MMAA: variants seen among roughly 807,000 people sequenced by gnomAD.
The protein encoded by MMAA is metabolism of cobalamin associated A.
A neutral mutation model predicts 45.0 loss-of-function variants in MMAA; 41 were observed. That is an observed-to-expected ratio of 0.91 (90% CI 0.71 to 1.18). MMAA has a LOEUF of 1.18. Among genes scored for constraint, MMAA ranks in the 50% most tolerant of loss-of-function variants. The probability of loss-of-function intolerance (pLI) is 0.00; values close to 1 mark genes in which losing one functional copy is unlikely to be tolerated. For missense variants in MMAA, 460 were observed against 495.7 expected, an observed-to-expected ratio of 0.93 and a Z score of 0.68; for synonymous variants, 154 against 178.2, an observed-to-expected ratio of 0.86 and a Z score of 1.08.
At chr4:145,642,860 G>T (rs747153683) in intron 3 of MMAA, 10 of 263,620 alleles carry the variant, frequency 3.8e-5, no homozygotes, top group Non-Finnish European at 7.4e-5. Flanking sequence ...CCTTACTCAT[G>T]TGTCATTTTC....
At chr4:145,650,119 A>C (rs938086811) in intron 4 of MMAA, among the ~76,000 whole-genome samples, 1 of 152,064 alleles carries the variant, frequency 6.6e-6, no homozygotes, top group Non-Finnish European at 1.5e-5. Context: ...GGAGTTTGTG[A>C]GTTTTTGTCT....
At position 145,657,759 on chromosome 4, in the gene MMAA, CCTCA is replaced by C. The variant is rs1306955128; in HGVS notation, c.*2328_*2331del. The C allele has an allele frequency of 1.3e-5, 2 of 152,174 alleles. No homozygotes were observed. The highest frequency in any genetic ancestry group is 2.4e-5 in the African/African-American group (1 of 41,448). 9.4% of individuals were successfully genotyped at this position (152,174 alleles called of 1,614,324 possible). On this transcript the variant is annotated 3_prime_UTR_variant, in exon 7 of 7. Transcript: ENST00000649156. ...ACTTAATTTCTCTGTGCCTCAGTTTCCTCACTATTAAATGGGGATGACAATAGTG... is the reference window on the plus strand; with the variant it reads ...ACTTAATTTCTCTGTGCCTCAGTTTCCTATTAAATGGGGATGACAATAGTG...
intron 1 of MMAA, among the ~76,000 whole-genome samples, chr4:145,630,230 G>C (rs931848186): frequency 4.6e-5 from 7 of 152,072 alleles, no homozygotes; most frequent in Non-Finnish European, 1.0e-4. Flanking sequence ...AATGTTGGTA[G>C]GTTATATATG....
intron 3 of MMAA, 88 bp downstream of exon 3, chr4:145,642,573 T>C (rs919793648): frequency 2.6e-6 from 4 of 1,561,190 alleles, no homozygotes; most frequent in South Asian, 2.2e-5. Flanking sequence ...GGGTGACCTC[T>C]AACTGCTAGC....
intron 1 of MMAA, among the ~76,000 whole-genome samples, chr4:145,627,140 G>A (rs1734220057): frequency 6.6e-6 from 1 of 152,164 alleles, no homozygotes; most frequent in Non-Finnish European, 1.5e-5. Context: ...CAATTAAATT[G>A]TTGTAAGAAA....
chr4:145,630,182 T>G (rs907484264), intron 1 of MMAA, among the ~76,000 whole-genome samples: 3 of 152,218 alleles, frequency 2.0e-5, no homozygotes, highest in Admixed American at 1.3e-4. Flanking sequence ...TCATTACTTG[T>G]TATTGGTATA....
At chr4:145,646,914 T>C (rs1727941029) in intron 4 of MMAA, among the ~76,000 whole-genome samples, 1 of 152,166 alleles carries the variant, frequency 6.6e-6, no homozygotes, top group African/African-American at 2.4e-5. Flanking sequence ...CAGGGCCAGA[T>C]TGTCAGGGAC....
At chr4:145,631,670 C>A (rs1727438226) in intron 1 of MMAA, among the ~76,000 whole-genome samples, 1 of 151,992 alleles carries the variant, frequency 6.6e-6, no homozygotes, top group Non-Finnish European at 1.5e-5. Context: ...AATAAGTAAA[C>A]ACTTATTCTT....
At chr4:145,627,302 G>T (rs970068937) in intron 1 of MMAA, among the ~76,000 whole-genome samples, 3 of 152,126 alleles carry the variant, frequency 2.0e-5, no homozygotes, top group African/African-American at 2.4e-5. Flanking sequence ...TGTTTGGAAG[G>T]TTGGTTGCAT....
chr4:145,653,694 C>G (rs187475044), intron 5 of MMAA, among the ~76,000 whole-genome samples: 1 of 152,160 alleles, frequency 6.6e-6, no homozygotes, highest in Non-Finnish European at 1.5e-5. Flanking sequence ...CATTCCATCA[C>G]GAGATAATGT....
Position 145,645,742 on chromosome 4 carries a change from G to A in MMAA, c.563-244G>A, listed in dbSNP as rs189347440. Among the ~76,000 whole-genome samples the A allele has an allele frequency of 1.3e-3, 204 of 152,270 alleles. 1 individual carries two copies. The highest frequency in any genetic ancestry group is 4.2e-3 in the African/African-American group (173 of 41,554). On this transcript the variant is annotated intron_variant, in intron 3 of 6. Transcript: ENST00000649156. ...AGCCAGAGTTGGACAGGTAAGGTGC[G>A]GCTGAAGAATCTAGATTGGAACCTT...
In MMAA at chr4:145,655,541, T is replaced by C; in HGVS notation, c.*107T>C. ...CAGTAATTATTGTATGGTGCTCTTGTCTTCTTTGTTTGTGACCCATGCTTG... is the reference window on the plus strand; with the variant it reads ...CAGTAATTATTGTATGGTGCTCTTGCCTTCTTTGTTTGTGACCCATGCTTG... On this transcript the variant is annotated 3_prime_UTR_variant, in exon 7 of 7. Coordinates refer to ENST00000649156, the MANE Select transcript of MMAA (RefSeq NM_172250.3). 1 of 1,106,560 alleles carries C rather than the reference T, an allele frequency of 9.0e-7. No individual in the cohort carries two copies. The highest frequency in any genetic ancestry group is 1.7e-5 in the South Asian group (1 of 58,374). 68.5% of individuals were successfully genotyped at this position (1,106,560 alleles called of 1,614,324 possible).
chr4:145,651,518 C>T (rs1215095812), intron 5 of MMAA, among the ~76,000 whole-genome samples: 4 of 152,154 alleles, frequency 2.6e-5, no homozygotes, highest in Admixed American at 2.6e-4. Flanking sequence ...CAATGAGATT[C>T]TTACTCTCCT....
rs766454544 is a variant in MMAA at position 145,655,363 on chromosome 4, G to T, written c.1186G>T (p.Val396Phe). 1.8e-5 allele frequency: 29 copies of T among 1,614,068 alleles called. No homozygotes were observed. Among genetic ancestry groups the T allele is most frequent in the Non-Finnish European group, 2.3e-5 (27 of 1,180,034 alleles). ...ACAGATTCCACTTCTGGAACAAAAG[G>T]TTCTCATTGGGGCCCTGTCCCCAGG... The part of the protein sequence containing the change: ...REQIPLLEQK[V>F]LIGALSPGLA... Residue 396 changes from valine (V) to phenylalanine (F), a missense_variant, in exon 7 of 7, where the codon GTT becomes TTT. Physicochemically the swap from Val to Phe is conservative, Grantham distance 50. Transcript: ENST00000649156.
chr4:145,641,813 A>T (rs1303057508), intron 2 of MMAA, among the ~76,000 whole-genome samples: 1 of 152,108 alleles, frequency 6.6e-6, no homozygotes, highest in Non-Finnish European at 1.5e-5. Flanking sequence ...CAAGTGGGGG[A>T]GTTTTCTGCT....
At chr4:145,624,328 A>G in intron 1 of MMAA, 2 of 789,124 alleles carry the variant, frequency 2.5e-6, no homozygotes, top group South Asian at 1.3e-5. Context: ...CGAAGCAGTC[A>G]CTTGTCTTCT....
In MMAA at chr4:145,655,408, T is replaced by C. The variant is rs1370976998; in HGVS notation, c.1231T>C (p.Leu411=). Residue 411 remains leucine (L), a synonymous_variant, in exon 7 of 7, where the codon TTA becomes CTA. Coordinates refer to ENST00000649156, the MANE Select transcript of MMAA (RefSeq NM_172250.3). The part of the protein sequence containing the change: ...LSPGLAADFL[L]KAFKSRD ...CCCAGGACTAGCAGCAGACTTCTTG[T>C]TAAAAGCTTTTAAAAGCAGAGACTA... 2 of 1,611,586 alleles carry C rather than the reference T, an allele frequency of 1.2e-6. No homozygotes were observed. The highest frequency in any genetic ancestry group is 1.7e-5 in the Admixed American group (1 of 59,578).
intron 4 of MMAA, among the ~76,000 whole-genome samples, chr4:145,649,516 G>A (rs987068479): frequency 2.6e-5 from 4 of 152,174 alleles, no homozygotes; most frequent in Admixed American, 6.5e-5. Context: ...AAATAAGGAA[G>A]CAGAGAGGGG....
intron 1 of MMAA, among the ~76,000 whole-genome samples, chr4:145,635,039 A>C (rs1727573853): frequency 6.6e-6 from 1 of 150,616 alleles, no homozygotes. Flanking sequence ...TGATGCCAAC[A>C]CTCCTTTTGC....
Sources: allele counts gnomAD v4.1 joint callset (sites outside exome capture counted in the v4.1 genomes callset), GRCh38; gene constraint gnomAD v4.1.1; transcripts MANE v1.5; gene names NCBI Gene and HGNC (gene_info 2026-07-23, HGNC 2026-07-21).